Variants in SLCO3A1 observed in about 807,000 individuals in gnomAD.
The protein encoded by SLCO3A1 is PGE1 transporter.
In SLCO3A1, 27 loss-of-function variants were observed where a neutral mutation model predicts 63.1. That is an observed-to-expected ratio of 0.43 (90% CI 0.32 to 0.59). The LOEUF is 0.59. Among genes scored for constraint, SLCO3A1 ranks in the 20% least tolerant of loss-of-function variants. The pLI, the probability that SLCO3A1 is intolerant of heterozygous loss-of-function variation, is 0.09. For missense variants in SLCO3A1, 773 were observed against 945.8 expected (o/e 0.82, Z 2.40); for synonymous variants, 473 against 409.9 (o/e 1.15, Z -1.86).
In SLCO3A1 at chr15:91,972,018, A is replaced by G. The variant is rs147722169; in HGVS notation, c.646+55560A>G. 8.9e-4 allele frequency among the ~76,000 whole-genome samples: 135 copies of G among 152,284 alleles called. 1 individual carries two copies. The highest frequency in any genetic ancestry group is 3.1e-3 in the African/African-American group (130 of 41,560). ...CCTTTGAGCGTCATGTTGGCGCTCAAAAAACTAAGGATTTTGGAGCATTTC... is the reference window on the plus strand; with the variant it reads ...CCTTTGAGCGTCATGTTGGCGCTCAGAAAACTAAGGATTTTGGAGCATTTC... On this transcript the variant is annotated intron_variant, in intron 2 of 9. Coordinates refer to ENST00000318445, the MANE Select transcript of SLCO3A1 (RefSeq NM_013272.4).
rs1321069934 is a variant in SLCO3A1, at chr15:91,894,677, A to G, written c.181-21316A>G. ...ATGTACCACTGGGGATCTTGGTAAA[A>G]TGTAGAATTTGACTCTGTGGGTCTG... is the stretch of plus-strand genomic sequence containing the variant. On this transcript the variant is annotated intron_variant, in intron 1 of 9. Coordinates refer to ENST00000318445, the MANE Select transcript of SLCO3A1 (RefSeq NM_013272.4). This position sits in a 1 kb window ranked among gnomAD's most constrained non-coding sequence, Gnocchi z 4.8. Among the ~76,000 whole-genome samples the G allele has an allele frequency of 2.6e-5, 4 of 152,154 alleles. No homozygotes were observed. Among genetic ancestry groups the G allele is most frequent in the Non-Finnish European group, 4.4e-5 (3 of 68,028 alleles).
chr15:91,943,407 G>C (rs534246012), intron 2 of SLCO3A1, among the ~76,000 whole-genome samples: 19 of 152,184 alleles, frequency 1.2e-4, no homozygotes, highest in Non-Finnish European at 2.4e-4. Flanking sequence ...TGTAGCCTGT[G>C]TCAGAATTTC....
At chr15:92,000,559 A>C (rs754992365) in intron 2 of SLCO3A1, among the ~76,000 whole-genome samples, 9 of 152,166 alleles carry the variant, frequency 5.9e-5, no homozygotes, top group Non-Finnish European at 1.2e-4. Context: ...GAATCAAAAT[A>C]ATAAGAGACC....
At position 91,885,609 on chromosome 15, in the gene SLCO3A1, C is replaced by G. The variant is rs770307628; in HGVS notation, c.181-30384C>G. 6.6e-6 allele frequency among the ~76,000 whole-genome samples: 1 copy of G among 151,540 alleles called. No individual in the cohort carries two copies. Among genetic ancestry groups the G allele is most frequent in the Non-Finnish European group, 1.5e-5 (1 of 67,694 alleles). On this transcript the variant is annotated intron_variant, in intron 1 of 9. Transcript: ENST00000318445. The surrounding 1 kb of genome is among the most constrained non-coding windows in gnomAD (Gnocchi z 4.7). ...TTGGTTTGTAGCATTTATACAATATCAACCCTTAAACTGATGGCCCTTGAA... is the reference window on the plus strand; with the variant it reads ...TTGGTTTGTAGCATTTATACAATATGAACCCTTAAACTGATGGCCCTTGAA...
chr15:91,985,971 G>A (rs889710848), intron 2 of SLCO3A1, among the ~76,000 whole-genome samples: 1 of 152,178 alleles, frequency 6.6e-6, no homozygotes, highest in African/African-American at 2.4e-5. Flanking sequence ...CATGACCAGG[G>A]TATGGCTCTC....
At chr15:92,074,894 G>C (rs1432245850) in intron 2 of SLCO3A1, among the ~76,000 whole-genome samples, 2 of 152,126 alleles carry the variant, frequency 1.3e-5, no homozygotes, top group Non-Finnish European at 2.9e-5. Context: ...TCACACCCGT[G>C]GCATAGAGCC....
chr15:92,148,729 C>A (rs1021826354), intron 8 of SLCO3A1: 1 of 151,830 alleles, frequency 6.6e-6, no homozygotes, highest in Admixed American at 6.6e-5. Flanking sequence ...TACTCCTTTA[C>A]AAGAAGAAAA....
At chr15:91,919,409 T>A (rs748730308) in intron 2 of SLCO3A1, among the ~76,000 whole-genome samples, 1 of 152,156 alleles carries the variant, frequency 6.6e-6, no homozygotes, top group Non-Finnish European at 1.5e-5. Flanking sequence ...ACTGGATGAA[T>A]GGGGACTCGG....
intron 7 of SLCO3A1, among the ~76,000 whole-genome samples, chr15:92,132,642 G>A (rs2048010259): frequency 7.0e-6 from 1 of 142,992 alleles, no homozygotes; most frequent in Non-Finnish European, 1.6e-5. Context: ...ACTTCCATCA[G>A]CCACCAATAG....
At chr15:91,983,974 G>C (rs1246599177) in intron 2 of SLCO3A1, among the ~76,000 whole-genome samples, 1 of 152,186 alleles carries the variant, frequency 6.6e-6, no homozygotes, top group Non-Finnish European at 1.5e-5. Context: ...AATCAAGACA[G>C]GGAGCTTGTG....
chr15:92,064,453 C>T (rs1392386109), intron 2 of SLCO3A1, among the ~76,000 whole-genome samples: 1 of 152,072 alleles, frequency 6.6e-6, no homozygotes, highest in African/African-American at 2.4e-5. Flanking sequence ...TAATTTAATC[C>T]CATTTGTTAC....
At chr15:91,935,998 G>A (rs1389778905) in intron 2 of SLCO3A1, among the ~76,000 whole-genome samples, 2 of 152,186 alleles carry the variant, frequency 1.3e-5, no homozygotes, top group East Asian at 1.9e-4. Context: ...GCAGATCATC[G>A]AGCAAGGAGT....
Position 91,950,750 on chromosome 15 carries a change from G to C in SLCO3A1, c.646+34292G>C, listed in dbSNP as rs1899971000. Reference sequence around the variant, plus strand: ...GTCATTGCTTTTTGGGGTGAGGGCTGATGTGTTGTTGAAAGTCTTTGGCAA... The same window carrying C: ...GTCATTGCTTTTTGGGGTGAGGGCTCATGTGTTGTTGAAAGTCTTTGGCAA... On this transcript the variant is annotated intron_variant, in intron 2 of 9. Transcript: ENST00000318445. The surrounding 1 kb of genome is among the most constrained non-coding windows in gnomAD (Gnocchi z 4.4). 6.6e-6 allele frequency among the ~76,000 whole-genome samples: 1 copy of C among 152,196 alleles called. No individual in the cohort carries two copies. Among genetic ancestry groups the C allele is most frequent in the South Asian group, 2.1e-4 (1 of 4,826 alleles).
chr15:92,164,330 A>G lies in SLCO3A1; in HGVS notation c.*1195A>G. The stretch of plus-strand genomic sequence containing the variant: ...TTACAAGAAGAAAAAAAAATGCTTC[A>G]AAAAGAGAGTGTATATGCAGCCTGC... On this transcript the variant is annotated 3_prime_UTR_variant, in exon 10 of 10. Transcript: ENST00000318445. 1.0e-6 allele frequency: 1 copy of G among 985,348 alleles called. No homozygotes were observed. The highest frequency in any genetic ancestry group is 1.2e-6 in the Non-Finnish European group (1 of 829,810). 61.0% of individuals were successfully genotyped at this position (985,348 alleles called of 1,614,324 possible).
chr15:91,993,283 A>G (rs1279380434), intron 2 of SLCO3A1, among the ~76,000 whole-genome samples: 2 of 152,246 alleles, frequency 1.3e-5, no homozygotes, highest in Non-Finnish European at 2.9e-5. Context: ...TTCCGAATTC[A>G]GAGGAAGTAT....
Position 92,094,975 on chromosome 15 carries a change from C to T in SLCO3A1, c.741C>T (p.Asp247=), listed in dbSNP as rs1325050648. ...TKIYVDAVFI[D]TSNLDITPDD... is the part of the protein sequence containing the mutation. ...TCTACGTGGATGCGGTCTTCATTGACACAAGTAAGGAATATATCTCCATGT... is the reference window on the plus strand; with the variant it reads ...TCTACGTGGATGCGGTCTTCATTGATACAAGTAAGGAATATATCTCCATGT... Residue 247 remains aspartate, a synonymous_variant, in exon 3 of 10, where the codon GAC becomes GAT. Coordinates refer to ENST00000318445, the MANE Select transcript of SLCO3A1 (RefSeq NM_013272.4). The T allele has an allele frequency of 1.9e-5, 30 of 1,594,096 alleles. No individual in the cohort carries two copies. The highest frequency in any genetic ancestry group is 2.6e-5 in the Non-Finnish European group (30 of 1,161,700).
intron 7 of SLCO3A1, among the ~76,000 whole-genome samples, chr15:92,139,406 A>G (rs866348954): frequency 1.1e-4 from 16 of 152,152 alleles, no homozygotes; most frequent in Middle Eastern, 3.4e-3. Flanking sequence ...TTTGGCATCA[A>G]TGTTCATCAA....
At chr15:92,014,618 C>A (rs1037079566) in intron 2 of SLCO3A1, among the ~76,000 whole-genome samples, 1 of 152,164 alleles carries the variant, frequency 6.6e-6, no homozygotes, top group East Asian at 1.9e-4. Context: ...ACCTCTTCCT[C>A]CTCCACTTGT....
intron 1 of SLCO3A1, among the ~76,000 whole-genome samples, chr15:91,867,989 G>A (rs867985481): frequency 1.3e-5 from 2 of 152,208 alleles, no homozygotes; most frequent in Admixed American, 1.3e-4. Context: ...TCCTATGTCT[G>A]TGTCTTTATC....
Sources: gnomAD v4.1 joint callset for allele counts (sites outside exome capture counted in the v4.1 genomes callset) on GRCh38, gnomAD v4.1.1 for gene constraint, Gnocchi (gnomAD v3.1) non-coding constraint, MANE v1.5 for transcripts, NCBI Gene and HGNC (gene_info 2026-07-23, HGNC 2026-07-21) for gene names.